LHFPL6: variants seen among roughly 807,000 people sequenced by gnomAD.
The protein encoded by LHFPL6 is LHFPL tetraspan subfamily member 6.
In LHFPL6, 9 loss-of-function variants were observed where a neutral mutation model predicts 20.6. The ratio of observed to expected loss-of-function variants is 0.44; its 90% CI spans 0.26 to 0.76. The LOEUF is 0.76. LHFPL6 is among the 30% of genes least tolerant of loss of function. The pLI is 0.20. For missense variants in LHFPL6, 218 were observed against 253.5 expected (o/e 0.86, Z 0.95); for synonymous variants, 105 against 98.7 (o/e 1.06, Z -0.38).
At chr13:39,521,020 A>G (rs554897661) in intron 2 of LHFPL6, among the ~76,000 whole-genome samples, 1 of 152,332 alleles carries the variant, frequency 6.6e-6, no homozygotes, top group South Asian at 2.1e-4. Context: ...ACCAGGCATG[A>G]TCTGAAAACA....
chr13:39,424,448 C>T (rs1333748145), intron 2 of LHFPL6, among the ~76,000 whole-genome samples: 1 of 152,122 alleles, frequency 6.6e-6, no homozygotes, highest in Non-Finnish European at 1.5e-5. Context: ...TCAGCAACTG[C>T]GCCAGGAGCT....
At chr13:39,462,852 A>G (rs1400600174) in intron 2 of LHFPL6, among the ~76,000 whole-genome samples, 1 of 152,178 alleles carries the variant, frequency 6.6e-6, no homozygotes, top group African/African-American at 2.4e-5. Context: ...GCCCCTGAGA[A>G]GCTTGGATTC....
intron 2 of LHFPL6, among the ~76,000 whole-genome samples, chr13:39,501,126 C>T (rs1055075383): frequency 7.2e-5 from 11 of 152,114 alleles, no homozygotes; most frequent in Non-Finnish European, 1.2e-4. Flanking sequence ...ATTCAGAAGC[C>T]CACATCATAG....
Position 39,587,740 on chromosome 13 carries a change from T to C in LHFPL6, c.385+13092A>G, listed in dbSNP as rs116202693. Among the ~76,000 whole-genome samples the C allele has an allele frequency of 8.8e-4, 134 of 151,992 alleles. 1 individual carries two copies. The highest frequency in any genetic ancestry group is 3.1e-3 in the African/African-American group (130 of 41,468). On this transcript the variant is annotated intron_variant, in intron 2 of 3. Transcript: ENST00000379589. ...GGAGCTAAAGAGGCAACCCAGAAAG[T>C]AGCATCAACAGAAAACTATTGCTGT...
chr13:39,598,014 CT>C (rs1872819510), intron 2 of LHFPL6, among the ~76,000 whole-genome samples: 1 of 152,232 alleles, frequency 6.6e-6, no homozygotes, highest in Admixed American at 6.5e-5. Context: ...AGCAGCCTAA[CT>C]TTAGCTAAAC....
At chr13:39,547,887 C>A (rs879276725) in intron 2 of LHFPL6, among the ~76,000 whole-genome samples, 1 of 151,864 alleles carries the variant, frequency 6.6e-6, no homozygotes, top group Non-Finnish European at 1.5e-5. Context: ...AGCTGAAATG[C>A]CCCAAAGTGA....
intron 3 of LHFPL6, among the ~76,000 whole-genome samples, chr13:39,369,604 T>TCC (rs1870111618): frequency 2.6e-4 from 27 of 105,362 alleles, no homozygotes; most frequent in East Asian, 1.4e-3. Flanking sequence ...CCTTCCTCCC[T>TCC]CTCTCCCTCC....
chr13:39,414,615 T>C (rs1871305837), intron 2 of LHFPL6, among the ~76,000 whole-genome samples: 3 of 152,172 alleles, frequency 2.0e-5, no homozygotes, highest in Non-Finnish European at 4.4e-5. Flanking sequence ...ATTTCTAGTT[T>C]AGTAAATTTC....
intron 2 of LHFPL6, among the ~76,000 whole-genome samples, chr13:39,515,690 C>T (rs1451461093): frequency 6.6e-6 from 1 of 152,132 alleles, no homozygotes; most frequent in Admixed American, 6.5e-5. Flanking sequence ...TTAACTGGCT[C>T]GCTGATTGCC....
At chr13:39,512,384 C>T (rs1258661570) in intron 2 of LHFPL6, among the ~76,000 whole-genome samples, 2 of 152,190 alleles carry the variant, frequency 1.3e-5, no homozygotes, top group Middle Eastern at 3.4e-3. Flanking sequence ...GTGTGGATCA[C>T]GAGGTCAGGT....
chr13:39,424,719 T>A (rs1471427221), intron 2 of LHFPL6, among the ~76,000 whole-genome samples: 1 of 152,124 alleles, frequency 6.6e-6, no homozygotes, highest in Non-Finnish European at 1.5e-5. Flanking sequence ...ATTTCAGAGA[T>A]CTGGAATCTC....
intron 3 of LHFPL6, among the ~76,000 whole-genome samples, chr13:39,356,395 C>T (rs138042959): frequency 1.6e-4 from 25 of 152,196 alleles, no homozygotes; most frequent in African/African-American, 3.1e-4. Context: ...CACTTTATAA[C>T]GCAAAATGCC....
chr13:39,454,038 T>C (rs1465178000), intron 2 of LHFPL6, among the ~76,000 whole-genome samples: 1 of 152,194 alleles, frequency 6.6e-6, no homozygotes, highest in African/African-American at 2.4e-5. Flanking sequence ...TTCAGAATTA[T>C]TGATTGTTTT....
intron 2 of LHFPL6, among the ~76,000 whole-genome samples, chr13:39,403,419 C>T (rs943284786): frequency 6.6e-6 from 1 of 152,188 alleles, no homozygotes; most frequent in Admixed American, 6.5e-5. Context: ...CATTACTCTT[C>T]TGTTACAGTC....
intron 2 of LHFPL6, among the ~76,000 whole-genome samples, chr13:39,422,625 C>T (rs1299720653): frequency 7.1e-6 from 1 of 140,282 alleles, no homozygotes; most frequent in South Asian, 2.3e-4. Context: ...AAGAAGAAAA[C>T]ACAATGCGCA....
intron 2 of LHFPL6, among the ~76,000 whole-genome samples, chr13:39,474,567 T>A (rs1407991709): frequency 1.3e-5 from 2 of 152,180 alleles, no homozygotes; most frequent in Non-Finnish European, 2.9e-5. Context: ...CCTTGTAGAG[T>A]CAAACTATGA....
chr13:39,484,681 T>A (rs986010645), intron 2 of LHFPL6, among the ~76,000 whole-genome samples: 2 of 152,204 alleles, frequency 1.3e-5, no homozygotes, highest in Non-Finnish European at 1.5e-5. Flanking sequence ...TTGTGAGAAT[T>A]TTAAGTACTT....
At chr13:39,542,032 A>G (rs1168712396) in intron 2 of LHFPL6, among the ~76,000 whole-genome samples, 3 of 151,588 alleles carry the variant, frequency 2.0e-5, no homozygotes, top group Non-Finnish European at 2.9e-5. Context: ...CAGAGCTTGC[A>G]GTGAGCCGAG....
At chr13:39,478,791 G>A (rs1868395614) in intron 2 of LHFPL6, among the ~76,000 whole-genome samples, 1 of 152,188 alleles carries the variant, frequency 6.6e-6, no homozygotes, top group South Asian at 2.1e-4. Context: ...GGATTTACAT[G>A]ATCAACTCCC....
Sources: gnomAD v4.1 joint callset for allele counts (sites outside exome capture counted in the v4.1 genomes callset) on GRCh38, gnomAD v4.1.1 for gene constraint, MANE v1.5 for transcripts, NCBI Gene and HGNC (gene_info 2026-07-23, HGNC 2026-07-21) for gene names.